ADAMTS19: variants seen among roughly 807,000 people sequenced by gnomAD.
The protein encoded by ADAMTS19 is A disintegrin and metalloproteinase with thrombospondin motifs 19.
Under a neutral mutation model 153.3 loss-of-function variants are expected in ADAMTS19, and 93 were observed. The observed-to-expected ratio is 0.61, with a 90% CI of 0.51 to 0.72. The LOEUF (loss-of-function observed/expected upper bound fraction) is 0.72, where lower values mean the gene tolerates loss of function less well. ADAMTS19 is among the 30% of genes least tolerant of loss of function. The probability of loss-of-function intolerance (pLI) is 0.00; values close to 1 mark genes in which losing one functional copy is unlikely to be tolerated. For synonymous variants in ADAMTS19, 600 were observed against 556.6 expected, an observed-to-expected ratio of 1.08 and a Z score of -1.10; for missense variants, 1,482 against 1,552.1, an observed-to-expected ratio of 0.95 and a Z score of 0.76.
At chr5:129,590,148 A>T (rs1482285565) in intron 7 of ADAMTS19, among the ~76,000 whole-genome samples, 18 of 152,144 alleles carry the variant, frequency 1.2e-4, no homozygotes, top group Admixed American at 1.2e-3. Flanking sequence ...CCTACTCACC[A>T]GTACCTGTAC....
chr5:129,522,332 C>CACACATATATATAT (rs1309115957), intron 3 of ADAMTS19, among the ~76,000 whole-genome samples: 151 of 58,598 alleles, frequency 2.6e-3, no homozygotes, highest in Middle Eastern at 0.017. Flanking sequence ...CACACACACA[C>CACACATATATATAT]ATATATATAT....
chr5:129,581,271 G>A (rs371201256), intron 7 of ADAMTS19, among the ~76,000 whole-genome samples: 18 of 150,394 alleles, frequency 1.2e-4, no homozygotes, highest in Middle Eastern at 3.2e-3. Context: ...CTTGTGACCA[G>A]TTTCAGAACT....
chr5:129,710,231 TC>T (rs1159753591), intron 21 of ADAMTS19, among the ~76,000 whole-genome samples: 2 of 152,202 alleles, frequency 1.3e-5, no homozygotes, highest in Non-Finnish European at 2.9e-5. Flanking sequence ...TGTTTGCTTT[TC>T]TGTTCCTGTG....
intron 11 of ADAMTS19, among the ~76,000 whole-genome samples, chr5:129,647,215 A>AG (rs1753104144): frequency 2.7e-5 from 1 of 36,672 alleles, no homozygotes; most frequent in Non-Finnish European, 4.8e-5. Flanking sequence ...ATTCTTTCAG[A>AG]AAAAAAAAAA....
At chr5:129,538,968 C>G (rs1193104247) in intron 6 of ADAMTS19, among the ~76,000 whole-genome samples, 2 of 152,020 alleles carry the variant, frequency 1.3e-5, no homozygotes, top group Non-Finnish European at 2.9e-5. Flanking sequence ...GCTCTCCAAC[C>G]CTAAGGTAAT....
intron 10 of ADAMTS19, among the ~76,000 whole-genome samples, chr5:129,624,406 G>A (rs2126985266): frequency 6.6e-6 from 1 of 152,162 alleles, no homozygotes; most frequent in Non-Finnish European, 1.5e-5. Context: ...AAATCTTCAT[G>A]GTAAAATGAA....
intron 10 of ADAMTS19, among the ~76,000 whole-genome samples, chr5:129,634,394 A>C (rs775302649): frequency 8.5e-5 from 13 of 152,310 alleles, no homozygotes; most frequent in Admixed American, 2.6e-4. Flanking sequence ...ATTCCTATTA[A>C]ACTACCATTG....
Position 129,526,410 on chromosome 5 carries a change from A to G in ADAMTS19, c.1040A>G (p.His347Arg). The G allele has an allele frequency of 1.2e-6, 2 of 1,603,792 alleles. No homozygotes were observed. The highest frequency in any genetic ancestry group is 1.3e-5 in the African/African-American group (1 of 74,304). ...GCAGACCCAGCAATGGTTTCCTATC[A>G]TGGAGCAGATGCAGCCAGGAGATTC... ...VVADPAMVSY[H>R]GADAARRFIL... The change falls in exon 4 of 23, where the codon CAT becomes CGT. Residue 347 changes from histidine to arginine, a missense_variant. Coordinates refer to ENST00000274487, the MANE Select transcript of ADAMTS19 (RefSeq NM_133638.6).
intron 2 of ADAMTS19, among the ~76,000 whole-genome samples, chr5:129,502,192 T>C (rs1378583389): frequency 6.6e-6 from 1 of 151,848 alleles, no homozygotes; most frequent in African/African-American, 2.4e-5. Context: ...CAGTGGAAAT[T>C]CAAGGAGGAG....
rs142050451 is a variant in ADAMTS19, at chr5:129,502,251, A to C, written c.748-6826A>C. Among the ~76,000 whole-genome samples, 729 of 152,202 alleles carry C rather than the reference A, an allele frequency of 4.8e-3. 4 individuals carry two copies. The highest frequency in any genetic ancestry group is 6.8e-3 in the Non-Finnish European group (460 of 68,004). On this transcript the variant is annotated intron_variant, in intron 2 of 22. Coordinates refer to ENST00000274487, the MANE Select transcript of ADAMTS19 (RefSeq NM_133638.6). ...CGCAGAGAGGGGAATAAAAAAGGAA[A>C]TTGTGAGCAACCTCAGAAAAATTTC...
Position 129,602,381 on chromosome 5 carries a change from G to T in ADAMTS19, c.1478+5717G>T, listed in dbSNP as rs189226555. Among the ~76,000 whole-genome samples the T allele has an allele frequency of 1.1e-3, 175 of 152,202 alleles. 2 individuals are homozygous for T. Among genetic ancestry groups the T allele is most frequent in the Admixed American group, 3.0e-3 (46 of 15,300 alleles). ...GCTGGGATTACAGCACTTCGCACCC[G>T]GCCTTACACAATATTTTTAAACTTT... On this transcript the variant is annotated intron_variant, in intron 8 of 22. Transcript: ENST00000274487.
chr5:129,684,342 G>A (rs1754969648), intron 18 of ADAMTS19, 69 bp downstream of exon 18: 3 of 1,540,808 alleles, frequency 1.9e-6, no homozygotes, highest in Non-Finnish European at 1.7e-6. Flanking sequence ...TGATAATTAA[G>A]ACATATCCAA....
In ADAMTS19 at chr5:129,701,558, G is replaced by T; in HGVS notation, c.3125G>T (p.Cys1042Phe). ...GCCCAGCGCTGTGAGGGCCAGGACT[G>T]CATGACCGTGTGGGAGGCGGGAGTG... Reference protein sequence around the residue: ...ASAQRCEGQDCMTVWEAGVWS... With the variant: ...ASAQRCEGQDFMTVWEAGVWS... The change falls in exon 20 of 23, where the codon TGC becomes TTC. Residue 1042 changes from cysteine to phenylalanine, a missense_variant. By Grantham distance (205) the Cys-to-Phe change is radical. Coordinates refer to ENST00000274487, the MANE Select transcript of ADAMTS19 (RefSeq NM_133638.6). 1 of 1,614,190 alleles carries T rather than the reference G, an allele frequency of 6.2e-7. No individual in the cohort carries two copies. Among genetic ancestry groups the T allele is most frequent in the Non-Finnish European group, 8.5e-7 (1 of 1,180,024 alleles).
chr5:129,520,965 A>G (rs1751779261), intron 3 of ADAMTS19, among the ~76,000 whole-genome samples: 1 of 152,072 alleles, frequency 6.6e-6, no homozygotes, highest in South Asian at 2.1e-4. Context: ...ACTGTGAATG[A>G]GATGGTCACT....
At chr5:129,524,280 C>T (rs1751926172) in intron 3 of ADAMTS19, among the ~76,000 whole-genome samples, 1 of 152,118 alleles carries the variant, frequency 6.6e-6, no homozygotes. Context: ...TGGACCCCTT[C>T]CTTACACACT....
chr5:129,597,613 A>C (rs1426397573), intron 8 of ADAMTS19, among the ~76,000 whole-genome samples: 1 of 152,180 alleles, frequency 6.6e-6, no homozygotes, highest in South Asian at 2.1e-4. Context: ...AGTTTATTAA[A>C]GTAGAAATGG....
chr5:129,614,211 A>C (rs1337036296), intron 8 of ADAMTS19, among the ~76,000 whole-genome samples: 1 of 152,170 alleles, frequency 6.6e-6, no homozygotes, highest in Non-Finnish European at 1.5e-5. Context: ...CATAATACCA[A>C]AGCCTGGCAG....
chr5:129,529,140 C>T (rs998536493), intron 6 of ADAMTS19, among the ~76,000 whole-genome samples: 1 of 151,946 alleles, frequency 6.6e-6, no homozygotes, highest in African/African-American at 2.4e-5. Context: ...GAATGTACTA[C>T]TAACAAATAT....
At chr5:129,657,376 T>C (rs926236727) in intron 14 of ADAMTS19, among the ~76,000 whole-genome samples, 4 of 152,188 alleles carry the variant, frequency 2.6e-5, no homozygotes, top group African/African-American at 9.7e-5. Context: ...TCTAAAATAA[T>C]TGGAACCTAT....
Sources: gnomAD v4.1 joint callset for allele counts (sites outside exome capture counted in the v4.1 genomes callset) on GRCh38, gnomAD v4.1.1 for gene constraint, MANE v1.5 for transcripts, NCBI Gene and HGNC (gene_info 2026-07-23, HGNC 2026-07-21) for gene names.